Variants in FNBP4 observed in about 807,000 individuals in gnomAD.
The protein encoded by FNBP4 is formin-binding protein 4.
In FNBP4, 34 loss-of-function variants were observed where a neutral mutation model predicts 119.3. The ratio of observed to expected loss-of-function variants is 0.28; its 90% confidence interval spans 0.22 to 0.38. FNBP4 has a LOEUF of 0.38. Among genes scored for constraint, FNBP4 ranks in the 10% least tolerant of loss-of-function variants. The probability of loss-of-function intolerance (pLI) is 1.00; values close to 1 mark genes in which losing one functional copy is unlikely to be tolerated. For missense variants in FNBP4, 1,112 were observed against 1,228.9 expected, an observed-to-expected ratio of 0.90 and a Z score of 1.42; for synonymous variants, 462 against 430.6, an observed-to-expected ratio of 1.07 and a Z score of -0.90.
At chr11:47,762,097 C>G (rs143051312) in intron 2 of FNBP4, among the ~76,000 whole-genome samples, 92 of 150,652 alleles carry the variant, frequency 6.1e-4, no homozygotes, top group Non-Finnish European at 1.2e-3. Flanking sequence ...TTCAGCCTCC[C>G]AAAGTGCTGG....
chr11:47,765,490 T>C (rs946962100), intron 1 of FNBP4, 128 bp from the exon 2 acceptor site: 14 of 539,822 alleles, frequency 2.6e-5, no homozygotes, highest in Non-Finnish European at 4.0e-5. Flanking sequence ...ATTTCAGCTC[T>C]AGATTCCATC....
intron 2 of FNBP4, among the ~76,000 whole-genome samples, chr11:47,756,705 C>T (rs144914888): frequency 0.028 from 4,230 of 150,884 alleles, 211 homozygotes; most frequent in African/African-American, 0.097. Flanking sequence ...ACCCCCGACC[C>T]CATGACAGGC....
intron 12 of FNBP4, among the ~76,000 whole-genome samples, chr11:47,727,259 T>C (rs1379825013): frequency 6.6e-6 from 1 of 151,080 alleles, no homozygotes; most frequent in Admixed American, 6.6e-5. Context: ...TTCTTTTTTT[T>C]TTTTTTTTGT....
chr11:47,743,100 G>C (rs2097584592), intron 8 of FNBP4, among the ~76,000 whole-genome samples: 1 of 152,002 alleles, frequency 6.6e-6, no homozygotes, highest in African/African-American at 2.4e-5. Context: ...GCAGCACTGG[G>C]CTGTTTTTGA....
chr11:47,717,126 C>T lies in FNBP4; in HGVS notation c.*296G>A, dbSNP rs1183923093. The T allele has an allele frequency of 7.8e-6, 2 of 256,832 alleles. No individual in the cohort carries two copies. Among genetic ancestry groups the T allele is most frequent in the Non-Finnish European group, 1.5e-5 (2 of 134,680 alleles). 15.9% of individuals were successfully genotyped at this position (256,832 alleles called of 1,614,324 possible). A position where few individuals can be genotyped will look rare whatever the true frequency, so the allele number is the denominator to read the frequency against. Reference sequence around the variant, plus strand: ...GGGAGTCCTCTACAGAAGTGTTATACTCATGAGCCACATGTTCTTCAAGAC... The same window carrying T: ...GGGAGTCCTCTACAGAAGTGTTATATTCATGAGCCACATGTTCTTCAAGAC... On this transcript the variant is annotated 3_prime_UTR_variant, in exon 17 of 17. Coordinates refer to ENST00000263773, the MANE Select transcript of FNBP4 (RefSeq NM_015308.5).
chr11:47,720,441 G>A (rs1057022586), intron 15 of FNBP4, among the ~76,000 whole-genome samples: 3 of 151,926 alleles, frequency 2.0e-5, no homozygotes, highest in East Asian at 3.9e-4. Context: ...GGTGGCGGGC[G>A]CCTGTAGTCT....
At position 47,731,373 on chromosome 11, in the gene FNBP4, C is replaced by A; in HGVS notation, c.2008+1G>T. 6.2e-7 allele frequency: 1 copy of A among 1,607,824 alleles called. No individual in the cohort carries two copies. Among genetic ancestry groups the A allele is most frequent in the Admixed American group, 1.7e-5 (1 of 58,642 alleles). On this transcript the variant is annotated splice_donor_variant, in intron 12 of 16. Coordinates refer to ENST00000263773, the MANE Select transcript of FNBP4 (RefSeq NM_015308.5). LOFTEE classifies it high-confidence loss of function. ...AATTAGTACAAGGTAAATTGTCTCA[C>A]CTGTGGAAGTTTCAGAGGATTCTGT... is the stretch of plus-strand genomic sequence containing the variant.
Position 47,724,018 on chromosome 11 carries a change from GCA to G in FNBP4, c.2464+8_2464+9del. ...ACATTGAGGAAAAACCACGCTCTAT[GCA>G]CAATTACCTGTAGCTATAGCTGACT... is the stretch of plus-strand genomic sequence containing the variant. On this transcript the variant is annotated splice_region_variant and intron_variant, in intron 14 of 16. Transcript: ENST00000263773. 1 of 1,612,270 alleles carries G rather than the reference GCA, an allele frequency of 6.2e-7. No homozygotes were observed. Among genetic ancestry groups the G allele is most frequent in the Non-Finnish European group, 8.5e-7 (1 of 1,179,438 alleles).
chr11:47,729,380 C>T, intron 12 of FNBP4: 2 of 985,302 alleles, frequency 2.0e-6, no homozygotes, highest in Non-Finnish European at 2.4e-6. Flanking sequence ...TCTTTAGAAT[C>T]CACTCCATCT....
At chr11:47,760,415 A>G (rs2135275646) in intron 2 of FNBP4, among the ~76,000 whole-genome samples, 2 of 149,972 alleles carry the variant, frequency 1.3e-5, no homozygotes, top group South Asian at 4.2e-4. Context: ...GTGCGTGCCA[A>G]TGTAATTTTT....
At chr11:47,744,374 A>G (rs962378577) in intron 7 of FNBP4, among the ~76,000 whole-genome samples, 1 of 151,974 alleles carries the variant, frequency 6.6e-6, no homozygotes, top group African/African-American at 2.4e-5. Flanking sequence ...TCTGAGCTCA[A>G]GCAATCCTCC....
chr11:47,733,956 G>A (rs1186955877), intron 10 of FNBP4, 69 bp downstream of exon 10: 2 of 689,638 alleles, frequency 2.9e-6, no homozygotes, highest in South Asian at 2.6e-5. Flanking sequence ...AGACAGAATC[G>A]TTAACACATA....
At chr11:47,764,944 G>A (rs553320458) in intron 2 of FNBP4, among the ~76,000 whole-genome samples, 1 of 152,190 alleles carries the variant, frequency 6.6e-6, no homozygotes, top group East Asian at 1.9e-4. Context: ...AACCAATCAA[G>A]CCAGAGTGTT....
rs1220848672 is a variant in FNBP4, at chr11:47,767,290, G to A, written c.-2C>T. The stretch of plus-strand genomic sequence containing the variant: ...TACCGCCCGGGACTTCTTCCCCATC[G>A]CGAGCCCAAGCGCGAGCAGAGAGCG... On this transcript the variant is annotated 5_prime_UTR_variant, in exon 1 of 17. Coordinates refer to ENST00000263773, the MANE Select transcript of FNBP4 (RefSeq NM_015308.5). The A allele has an allele frequency of 2.0e-6, 3 of 1,502,050 alleles. No individual in the cohort carries two copies. Among genetic ancestry groups the A allele is most frequent in the Non-Finnish European group, 2.7e-6 (3 of 1,131,992 alleles). 93.0% of individuals were successfully genotyped at this position (1,502,050 alleles called of 1,614,324 possible). A position where few individuals can be genotyped will look rare whatever the true frequency, so the allele number is the denominator to read the frequency against.
rs779422232 is a variant in FNBP4, at chr11:47,731,490, T to A, written c.1892A>T (p.Glu631Val). The change falls in exon 12 of 17, where the codon GAG becomes GTG. Residue 631 changes from glutamate to valine, a missense_variant. Coordinates refer to ENST00000263773, the MANE Select transcript of FNBP4 (RefSeq NM_015308.5). ...ESQWEFPDGE[E>V]EEEESQAQEN... ...TTGTGCTTGGCTTTCTTCTTCTTCCTCTTCACCATCTGGAAACTCCCACTG... is the reference window on the plus strand; with the variant it reads ...TTGTGCTTGGCTTTCTTCTTCTTCCACTTCACCATCTGGAAACTCCCACTG... 3 of 1,614,082 alleles carry A rather than the reference T, an allele frequency of 1.9e-6. No individual in the cohort carries two copies. The highest frequency in any genetic ancestry group is 2.5e-6 in the Non-Finnish European group (3 of 1,180,016).
chr11:47,746,195 A>G lies in FNBP4; in HGVS notation c.1106T>C (p.Val369Ala). 6.2e-7 allele frequency: 1 copy of G among 1,614,092 alleles called. No homozygotes were observed. Among genetic ancestry groups the G allele is most frequent in the Non-Finnish European group, 8.5e-7 (1 of 1,180,010 alleles). ...STTVEEATTI[V>A]KPQEIMLDNI... ...GTCCAACATAATTTCCTGTGGCTTT[A>G]CTATTGTTGTTGCTTCTTCTACTGT... is the stretch of plus-strand genomic sequence containing the variant. The change falls in exon 7 of 17, where the codon GTA becomes GCA. Residue 369 changes from valine (V) to alanine (A), a missense_variant. Coordinates refer to ENST00000263773, the MANE Select transcript of FNBP4 (RefSeq NM_015308.5).
At chr11:47,750,026 C>G (rs1416708905) in intron 6 of FNBP4, among the ~76,000 whole-genome samples, 1 of 152,024 alleles carries the variant, frequency 6.6e-6, no homozygotes, top group Non-Finnish European at 1.5e-5. Context: ...TGGACTGCTG[C>G]TCCCACGTCC....
intron 9 of FNBP4, among the ~76,000 whole-genome samples, chr11:47,735,473 A>C (rs2097572763): frequency 6.6e-6 from 1 of 152,202 alleles, no homozygotes; most frequent in South Asian, 2.1e-4. Flanking sequence ...CTCCCATGAG[A>C]TTAGGTTAGA....
At chr11:47,720,578 AAAT>A (rs2097554529) in intron 15 of FNBP4, among the ~76,000 whole-genome samples, 1 of 151,386 alleles carries the variant, frequency 6.6e-6, no homozygotes, top group Non-Finnish European at 1.5e-5. Context: ...AAAAATAAAT[AAAT>A]AAATAAATAA....
Sources: gnomAD v4.1 joint callset for allele counts (sites outside exome capture counted in the v4.1 genomes callset) on GRCh38, gnomAD v4.1.1 for gene constraint, MANE v1.5 for transcripts, NCBI Gene and HGNC (gene_info 2026-07-23, HGNC 2026-07-21) for gene names.